Variants in VPS13D observed in about 807,000 individuals in gnomAD.
VPS13D encodes vacuolar protein sorting 13 homolog D, also known as intermembrane lipid transfer protein VPS13D.
Under a neutral mutation model 461.9 loss-of-function variants are expected in VPS13D, and 187 were observed. That is an observed-to-expected ratio of 0.40 (90% CI 0.36 to 0.46). VPS13D has a LOEUF of 0.46. Ranked by LOEUF, VPS13D falls within the 20% of genes least tolerant of loss-of-function variation. The pLI, the probability that VPS13D is intolerant of heterozygous loss-of-function variation, is 0.60. For synonymous variants in VPS13D, 1,951 were observed against 1,986.3 expected (o/e 0.98, Z 0.47); for missense variants, 4,711 against 5,364.9 (o/e 0.88, Z 3.81).
At chr1:12,264,610 A>G (rs1641209863) in intron 13 of VPS13D, among the ~76,000 whole-genome samples, 1 of 152,224 alleles carries the variant, frequency 6.6e-6, no homozygotes, top group Non-Finnish European at 1.5e-5. Flanking sequence ...AACTCATTTC[A>G]GTTCTGGGAT....
chr1:12,462,294 G>C (rs1645423376), intron 67 of VPS13D, among the ~76,000 whole-genome samples: 1 of 152,212 alleles, frequency 6.6e-6, no homozygotes, highest in Non-Finnish European at 1.5e-5. Flanking sequence ...AGTTGAGACA[G>C]GCTTTTCTAG....
chr1:12,493,130 T>C (rs540352973), intron 67 of VPS13D, among the ~76,000 whole-genome samples: 1 of 138,308 alleles, frequency 7.2e-6, no homozygotes, highest in Non-Finnish European at 1.5e-5. Context: ...AGCCCAATGA[T>C]GAGAGTGGGC....
chr1:12,479,657 A>G (rs2100479925), intron 67 of VPS13D, among the ~76,000 whole-genome samples: 1 of 152,288 alleles, frequency 6.6e-6, no homozygotes, highest in African/African-American at 2.4e-5. Flanking sequence ...AACACAGAGT[A>G]CATGCTCCTA....
intron 65 of VPS13D, among the ~76,000 whole-genome samples, chr1:12,455,399 C>G (rs1307579462): frequency 1.3e-5 from 2 of 152,216 alleles, no homozygotes; most frequent in Non-Finnish European, 2.9e-5. Flanking sequence ...CTGAAGCTCA[C>G]TTCTCCCTCA....
chr1:12,375,891 C>G (rs1395873945), intron 55 of VPS13D, among the ~76,000 whole-genome samples: 1 of 152,218 alleles, frequency 6.6e-6, no homozygotes, highest in Non-Finnish European at 1.5e-5. Flanking sequence ...GGAGTTCTGC[C>G]TTCCACAGTC....
rs1645257170 is a variant in VPS13D at position 12,451,087 on chromosome 1, G to C, written c.12334-4911G>C. On this transcript the variant is annotated intron_variant, in intron 65 of 69. Coordinates refer to ENST00000620676, the MANE Select transcript of VPS13D (RefSeq NM_015378.4). ...CCCATGCTTGCTGAAGATCATAAAA[G>C]GGTCAGGTAAACTGATCAGACAGAA... Among the ~76,000 whole-genome samples, 3 of 152,208 alleles carry C rather than the reference G, an allele frequency of 2.0e-5. No individual in the cohort carries two copies. In the South Asian group the frequency reaches 6.2e-4, roughly 32 times the overall value.
At chr1:12,244,638 T>C (rs1265018462) in intron 5 of VPS13D, 21 bp downstream of exon 5, 4 of 1,603,724 alleles carry the variant, frequency 2.5e-6, no homozygotes, top group African/African-American at 2.7e-5. Context: ...CTGACTTTTA[T>C]AAAAGTATCA....
intron 1 of VPS13D, among the ~76,000 whole-genome samples, chr1:12,233,062 G>A (rs1261544918): frequency 6.6e-6 from 1 of 151,534 alleles, no homozygotes; most frequent in Non-Finnish European, 1.5e-5. Context: ...CTGGAGTGCG[G>A]TGGTGTGATC....
rs1008059971 is a variant in VPS13D, at chr1:12,356,043, C to G, written c.9824C>G (p.Ser3275Cys). Residue 3275 changes from serine (S) to cysteine (C), a missense_variant, in exon 48 of 70, where the codon TCC (serine) becomes TGC (cysteine). Coordinates refer to ENST00000620676, the MANE Select transcript of VPS13D (RefSeq NM_015378.4). ...CGGATTGTGTGTCGAGCAGAAGGAT[C>G]CTTAAAGATCTTCATTTCTGCTCCA... ...TIRIVCRAEG[S>C]LKIFISAPYW... 1.9e-6 allele frequency: 3 copies of G among 1,613,648 alleles called. No individual in the cohort carries two copies. The African/African-American group carries it at 4.0e-5, about 22-fold the overall frequency.
Position 12,349,284 on chromosome 1 carries a change from TTCATTGGACCAA to T in VPS13D, c.9343_9354del (p.His3115_Asn3118del). ...GGTGTATTTTTCTGTAAGGCTCCCA[TTCATTGGACCAA>T]TGTAGTGAAGACTGCAGAAATTAGT... On this transcript the variant is annotated inframe_deletion, in exon 46 of 70. Coordinates refer to ENST00000620676, the MANE Select transcript of VPS13D (RefSeq NM_015378.4). The T allele has an allele frequency of 6.2e-7, 1 of 1,614,226 alleles. No homozygotes were observed. Among genetic ancestry groups the T allele is most frequent in the Non-Finnish European group, 8.5e-7 (1 of 1,180,042 alleles).
At chr1:12,423,721 C>T (rs1261432268) in intron 65 of VPS13D, among the ~76,000 whole-genome samples, 2 of 152,226 alleles carry the variant, frequency 1.3e-5, no homozygotes, top group African/African-American at 2.4e-5. Context: ...TGTCCCTGCA[C>T]AGAGACTCTC....
Position 12,319,633 on chromosome 1 carries a change from A to G in VPS13D, c.7548+3A>G. ...CAGGAAGTTTGTTTGGCATTGAGGT[A>G]AGAAGTCTATGTGTTGATCACAGCA... is the stretch of plus-strand genomic sequence containing the variant. On this transcript the variant is annotated splice_donor_region_variant and intron_variant, in intron 32 of 69. Coordinates refer to ENST00000620676, the MANE Select transcript of VPS13D (RefSeq NM_015378.4). 2.5e-6 allele frequency: 4 copies of G among 1,614,222 alleles called. No individual in the cohort carries two copies. Among genetic ancestry groups the G allele is most frequent in the Non-Finnish European group, 3.4e-6 (4 of 1,180,022 alleles).
chr1:12,380,221 GA>G, intron 57 of VPS13D, among the ~76,000 whole-genome samples: 1 of 151,672 alleles, frequency 6.6e-6, no homozygotes. Flanking sequence ...ATTTTAAAAA[GA>G]AAAAAATTAC....
chr1:12,273,591 C>G (rs769498867), intron 18 of VPS13D, among the ~76,000 whole-genome samples: 4 of 152,282 alleles, frequency 2.6e-5, no homozygotes, highest in African/African-American at 9.6e-5. Context: ...CTGGCAACCA[C>G]TAATCTTTCT....
At chr1:12,294,934 A>C (rs1018169171) in intron 24 of VPS13D, among the ~76,000 whole-genome samples, 13 of 151,164 alleles carry the variant, frequency 8.6e-5, no homozygotes, top group Admixed American at 1.3e-4. Flanking sequence ...TTTTAAAAAA[A>C]CTTTATGGCC....
chr1:12,334,502 C>T (rs1643403196), intron 38 of VPS13D, among the ~76,000 whole-genome samples: 1 of 152,254 alleles, frequency 6.6e-6, no homozygotes, highest in Admixed American at 6.5e-5. Context: ...CACATTGGCT[C>T]ATGCCTGTTA....
chr1:12,444,165 A>G (rs1157635402), intron 65 of VPS13D, among the ~76,000 whole-genome samples: 3 of 151,900 alleles, frequency 2.0e-5, no homozygotes, highest in Admixed American at 6.6e-5. Context: ...TCTTTCACCT[A>G]TATTTTTGAA....
intron 10 of VPS13D, among the ~76,000 whole-genome samples, chr1:12,259,515 G>A (rs563349800): frequency 6.6e-5 from 10 of 152,010 alleles, no homozygotes; most frequent in Non-Finnish European, 1.3e-4. Context: ...TGTTGCCCAG[G>A]CTGATCTGGA....
intron 2 of VPS13D, among the ~76,000 whole-genome samples, chr1:12,235,209 G>A (rs1230199087): frequency 6.6e-6 from 1 of 152,200 alleles, no homozygotes; most frequent in African/African-American, 2.4e-5. Flanking sequence ...GACCAGAGCA[G>A]GTTAGAGAGA....
Sources: gnomAD v4.1 joint callset for allele counts (sites outside exome capture counted in the v4.1 genomes callset) on GRCh38, gnomAD v4.1.1 for gene constraint, MANE v1.5 for transcripts, NCBI Gene and HGNC (gene_info 2026-07-23, HGNC 2026-07-21) for gene names.